PLCG2: variants seen among roughly 807,000 people sequenced by gnomAD.
PLCG2 encodes the protein phospholipase C gamma 2, also known as 1-phosphatidylinositol 4,5-bisphosphate phosphodiesterase gamma-2.
Under a neutral mutation model 175.6 loss-of-function variants are expected in PLCG2, and 69 were observed. The ratio of observed to expected loss-of-function variants is 0.39; its 90% CI spans 0.32 to 0.48. PLCG2 has a LOEUF of 0.48. PLCG2 is among the 20% of genes least tolerant of loss of function. PLCG2 has a pLI of 0.91. For synonymous variants in PLCG2, 827 were observed against 624.0 expected, an observed-to-expected ratio of 1.33 and a Z score of -4.85; for missense variants, 1,798 against 1,650.9, an observed-to-expected ratio of 1.09 and a Z score of -1.54.
intron 2 of PLCG2, among the ~76,000 whole-genome samples, chr16:81,819,369 A>C (rs1597336237): frequency 6.6e-6 from 1 of 151,946 alleles, no homozygotes; most frequent in African/African-American, 2.4e-5. Flanking sequence ...TCTGGTACCA[A>C]CCCTGTGAGG....
intron 2 of PLCG2, among the ~76,000 whole-genome samples, chr16:81,828,301 A>G (rs552177817): frequency 3.0e-4 from 35 of 118,562 alleles, no homozygotes; most frequent in African/African-American, 1.0e-3. Flanking sequence ...GCTGGAATGC[A>G]GTGGTGTGAT....
intron 18 of PLCG2, among the ~76,000 whole-genome samples, chr16:81,911,907 C>T (rs554866020): frequency 4.9e-5 from 7 of 142,628 alleles, no homozygotes; most frequent in Non-Finnish European, 1.1e-4. Flanking sequence ...AAGTGATTCT[C>T]CTGCCTCAGC....
chr16:81,928,651 G>C (rs1348063408), intron 24 of PLCG2, 27 bp downstream of exon 24: 5 of 1,500,436 alleles, frequency 3.3e-6, no homozygotes, highest in Non-Finnish European at 4.6e-6. Context: ...TCTTAGCCTG[G>C]ATTTCCACCC....
rs1032603937 is a variant in PLCG2, at chr16:81,870,864, C to G, written c.577C>G (p.His193Asp). The G allele has an allele frequency of 7.5e-6, 12 of 1,594,356 alleles. No homozygotes were observed. The highest frequency in any genetic ancestry group is 3.3e-4 in the Middle Eastern group (2 of 6,036). ...LKDKFVEIGAHKDELSFEQFH... is the reference protein window; with the variant it reads ...LKDKFVEIGADKDELSFEQFH... The stretch of plus-strand genomic sequence containing the variant: ...TTCATATTTACAGGAAATAGGAGCA[C>G]ACAAAGATGAGCTCAGCTTTGAACA... Residue 193 changes from histidine (H) to aspartate (D), a missense_variant, in exon 7 of 33, where the codon CAC becomes GAC. Physicochemically the swap from His to Asp is moderately conservative, Grantham distance 81 (BLOSUM62 -1). Coordinates refer to ENST00000564138, the MANE Select transcript of PLCG2 (RefSeq NM_002661.5).
At chr16:81,789,296 G>A (rs541168581) in intron 2 of PLCG2, among the ~76,000 whole-genome samples, 10 of 152,194 alleles carry the variant, frequency 6.6e-5, no homozygotes, top group South Asian at 2.1e-4. Flanking sequence ...GCGCTCTCTC[G>A]CTCTCTGTTT....
chr16:81,838,598 A>C (rs932902586), intron 2 of PLCG2, among the ~76,000 whole-genome samples: 2 of 151,212 alleles, frequency 1.3e-5, no homozygotes, highest in East Asian at 1.9e-4. Context: ...ATCACACACC[A>C]GGGCCTGTCA....
chr16:81,939,705 C>G (rs538342596), intron 29 of PLCG2, among the ~76,000 whole-genome samples, 187 bp from the exon 30 acceptor site: 1 of 152,228 alleles, frequency 6.6e-6, no homozygotes, highest in South Asian at 2.1e-4. Flanking sequence ...GCAACAGCAG[C>G]TTCCAGGATT....
chr16:81,829,182 C>G (rs1905162256), intron 2 of PLCG2, among the ~76,000 whole-genome samples: 2 of 152,188 alleles, frequency 1.3e-5, no homozygotes, highest in African/African-American at 2.4e-5. Flanking sequence ...GATCTCGGCT[C>G]ACTGCAACCT....
At chr16:81,869,334 T>G (rs1351548619) in intron 6 of PLCG2, 36 bp downstream of exon 6, 1 of 1,439,722 alleles carries the variant, frequency 6.9e-7, no homozygotes, top group African/African-American at 1.4e-5. Context: ...ATTTTATGAA[T>G]GCGGAGTGAC....
At position 81,905,429 on chromosome 16, in the gene PLCG2, T is replaced by C. The variant is rs758552501; in HGVS notation, c.1389T>C (p.Asp463=). 4.3e-6 allele frequency: 7 copies of C among 1,614,056 alleles called. No homozygotes were observed. The highest frequency in any genetic ancestry group is 3.3e-5 in the South Asian group (3 of 91,074). Residue 463 remains aspartate (D), a synonymous_variant, in exon 15 of 33, where the codon GAT becomes GAC. Transcript: ENST00000564138. ...ATAAGAAGCTGGGCCCCCGAGGCGA[T>C]GTGGATGTCAACATGGAGGACAAGA... ...IKHKKLGPRG[D]VDVNMEDKKD...
At chr16:81,806,531 A>G (rs1383752639) in intron 2 of PLCG2, among the ~76,000 whole-genome samples, 1 of 152,120 alleles carries the variant, frequency 6.6e-6, no homozygotes, top group Non-Finnish European at 1.5e-5. Flanking sequence ...CCCAGGCAGC[A>G]CTGCTCAGCT....
intron 1 of PLCG2, among the ~76,000 whole-genome samples, chr16:81,754,716 G>C (rs1487756669): frequency 6.6e-6 from 1 of 151,678 alleles, no homozygotes; most frequent in African/African-American, 2.4e-5. Context: ...TCAAAGGCCT[G>C]TCTGAAGTAT....
At position 81,923,159 on chromosome 16, in the gene PLCG2, A is replaced by T. The variant is rs1030122516; in HGVS notation, c.2308-326A>T. ...TTGAGCAATATTGTGTCACTACAAT[A>T]TAGGGTCACTCCCACCCTAACCCTA... is the stretch of plus-strand genomic sequence containing the variant. On this transcript the variant is annotated intron_variant, in intron 21 of 32. Transcript: ENST00000564138. 7.9e-5 allele frequency among the ~76,000 whole-genome samples: 12 copies of T among 152,148 alleles called. 1 individual carries two copies.
chr16:81,936,892 A>G (rs1428344705), intron 27 of PLCG2, among the ~76,000 whole-genome samples: 1 of 152,172 alleles, frequency 6.6e-6, no homozygotes, highest in South Asian at 2.1e-4. Flanking sequence ...TTATAGCCAC[A>G]TCGGATTCCA....
chr16:81,955,440 A>G (rs1396506216), intron 31 of PLCG2, among the ~76,000 whole-genome samples: 1 of 152,152 alleles, frequency 6.6e-6, no homozygotes, highest in Non-Finnish European at 1.5e-5. Flanking sequence ...ATCCTCTGAA[A>G]CAGATGAGGC....
chr16:81,850,741 A>G (rs1177849294), intron 2 of PLCG2, among the ~76,000 whole-genome samples: 1 of 152,214 alleles, frequency 6.6e-6, no homozygotes, highest in Non-Finnish European at 1.5e-5. Context: ...GTAACAGCAT[A>G]GAGAGCTTCT....
chr16:81,924,760 G>A (rs936940053), intron 22 of PLCG2, among the ~76,000 whole-genome samples: 6 of 152,248 alleles, frequency 3.9e-5, no homozygotes, highest in South Asian at 2.1e-4. Flanking sequence ...GAGTGGGGGC[G>A]TAGAATTGCC....
upstream of PLCG2, among the ~76,000 whole-genome samples, chr16:81,778,016 C>CAAAAAAAAAAAAA (rs753644088): frequency 1.0e-4 from 5 of 49,084 alleles, no homozygotes; most frequent in Non-Finnish European, 1.1e-4. Flanking sequence ...GACTTTGTCT[C>CAAAAAAAAAAAAA]AAAAAAAAAA....
In PLCG2 at chr16:81,922,539, T is replaced by C. The variant is rs80107436; in HGVS notation, c.2308-946T>C. Among the ~76,000 whole-genome samples, 1,192 of 152,344 alleles carry C rather than the reference T, an allele frequency of 7.8e-3. 8 individuals are homozygous for C. Among genetic ancestry groups the C allele is most frequent in the African/African-American group, 0.027 (1,127 of 41,564 alleles). On this transcript the variant is annotated intron_variant, in intron 21 of 32. Coordinates refer to ENST00000564138, the MANE Select transcript of PLCG2 (RefSeq NM_002661.5). ...GTAGTCTTAACAACCCTGTGAAATA[T>C]ATAAAAATTTAATTCCCATTTCACA...
Sources: gnomAD v4.1 joint callset for allele counts (sites outside exome capture counted in the v4.1 genomes callset) on GRCh38, gnomAD v4.1.1 for gene constraint, MANE v1.5 for transcripts, NCBI Gene and HGNC (gene_info 2026-07-23, HGNC 2026-07-21) for gene names.